The following TENM3 variants were observed in gnomAD, a reference collection of about 807,000 sequenced individuals.
TENM3 encodes teneurin transmembrane protein 3, also known as teneurin-3.
A neutral mutation model predicts 255.1 loss-of-function variants in TENM3; 63 were observed. The ratio of observed to expected loss-of-function variants is 0.25; its 90% confidence interval spans 0.20 to 0.30. TENM3 has a LOEUF of 0.30. TENM3 is among the 10% of genes least tolerant of loss of function. The pLI is 1.00. For synonymous variants in TENM3, 1,306 were observed against 1,322.3 expected (o/e 0.99, Z 0.27); for missense variants, 2,929 against 3,461.1 (o/e 0.85, Z 3.86).
intron 1 of TENM3, among the ~76,000 whole-genome samples, chr4:182,253,884 G>A (rs112197347): frequency 2.0e-5 from 3 of 152,098 alleles, no homozygotes; most frequent in African/African-American, 7.2e-5. Context: ...ACAGTTTACA[G>A]CAAAAAGTAA....
chr4:182,475,630 A>G (rs538760658), intron 3 of TENM3, among the ~76,000 whole-genome samples: 1 of 152,358 alleles, frequency 6.6e-6, no homozygotes, highest in South Asian at 2.1e-4. Context: ...AAACCAGAAC[A>G]TCTATCTGCA....
Position 182,335,234 on chromosome 4 carries a change from C to T in TENM3, c.232+10982C>T, listed in dbSNP as rs373128811. Among the ~76,000 whole-genome samples the T allele has an allele frequency of 2.3e-3, 336 of 149,308 alleles. 4 individuals are homozygous for T. The highest frequency in any genetic ancestry group is 8.0e-3 in the African/African-American group (324 of 40,498). On this transcript the variant is annotated intron_variant, in intron 2 of 27. Coordinates refer to ENST00000511685, the MANE Select transcript of TENM3 (RefSeq NM_001080477.4). ...GACAAAGCGGCCGGGCGCGGTGGCT[C>T]ACGCCTGTAATCCCAGCACTTTGGG...
chr4:182,621,680 A>T lies in TENM3; in HGVS notation c.750-6971A>T, dbSNP rs1581128601. ...TATATAATATGTATTATATATATAA[A>T]ATATATAATATATATTATATATAAA... On this transcript the variant is annotated intron_variant, in intron 4 of 27. Transcript: ENST00000511685. 3.9e-4 allele frequency among the ~76,000 whole-genome samples: 6 copies of T among 15,272 alleles called. 1 individual carries two copies. The South Asian group carries it at 0.03, about 76-fold the overall frequency. 10.0% of individuals were successfully genotyped at this position (15,272 alleles called of 152,430 possible). A position where few individuals can be genotyped will look rare whatever the true frequency, so the allele number is the denominator to read the frequency against.
At chr4:182,502,180 T>C (rs890945682) in intron 3 of TENM3, among the ~76,000 whole-genome samples, 1 of 152,166 alleles carries the variant, frequency 6.6e-6, no homozygotes, top group African/African-American at 2.4e-5. Context: ...TCTTCCTTGA[T>C]TATATTCTGC....
the TENM3 span, among the ~76,000 whole-genome samples, chr4:181,758,597 A>G: frequency 2.6e-5 from 4 of 152,180 alleles, no homozygotes; most frequent in African/African-American, 9.7e-5. Context: ...TGTTTACAGG[A>G]TAATTGCACC....
chr4:182,322,041 T>C (rs998092128), intron 1 of TENM3, among the ~76,000 whole-genome samples: 1 of 152,184 alleles, frequency 6.6e-6, no homozygotes, highest in Non-Finnish European at 1.5e-5. Context: ...GGTATAAAAA[T>C]AGTCTGTCAC....
the TENM3 span, among the ~76,000 whole-genome samples, chr4:181,526,388 T>C: frequency 6.6e-6 from 1 of 152,132 alleles, no homozygotes; most frequent in Non-Finnish European, 1.5e-5. Flanking sequence ...AGCAAAGCAG[T>C]GTGGCCTTTT....
intron 3 of TENM3, among the ~76,000 whole-genome samples, chr4:182,367,752 T>A (rs1766528656): frequency 6.6e-6 from 1 of 152,110 alleles, no homozygotes; most frequent in East Asian, 1.9e-4. Context: ...GTTTGTGAAA[T>A]AGTAGATAGT....
At chr4:182,673,733 A>G (rs1755418061) in intron 7 of TENM3, among the ~76,000 whole-genome samples, 2 of 152,228 alleles carry the variant, frequency 1.3e-5, no homozygotes, top group African/African-American at 4.8e-5. Context: ...AAAATGATCA[A>G]CGCTGAGATG....
intron 3 of TENM3, among the ~76,000 whole-genome samples, chr4:182,387,212 T>C (rs953662266): frequency 2.0e-5 from 3 of 152,150 alleles, no homozygotes; most frequent in Non-Finnish European, 4.4e-5. Context: ...TGTATCTAGC[T>C]CAAGGTTTGT....
intron 4 of TENM3, among the ~76,000 whole-genome samples, chr4:182,618,583 C>G (rs1443300619): frequency 1.3e-5 from 2 of 150,338 alleles, no homozygotes; most frequent in African/African-American, 4.9e-5. Context: ...AAGTGAACAG[C>G]TACTAAGGAA....
intron 1 of TENM3, among the ~76,000 whole-genome samples, chr4:182,306,379 T>G (rs2150393649): frequency 6.6e-6 from 1 of 152,056 alleles, no homozygotes; most frequent in Non-Finnish European, 1.5e-5. Flanking sequence ...CTGAATCAGG[T>G]TTGTACAGCC....
At chr4:181,597,619 T>C in the TENM3 span, among the ~76,000 whole-genome samples, 3 of 152,230 alleles carry the variant, frequency 2.0e-5, no homozygotes, top group Admixed American at 6.5e-5. Flanking sequence ...CTAATTGATA[T>C]ACCACTGAGT....
At chr4:181,837,113 T>C in the TENM3 span, among the ~76,000 whole-genome samples, 4 of 152,024 alleles carry the variant, frequency 2.6e-5, no homozygotes, top group Non-Finnish European at 5.9e-5. Context: ...TTCTTATTAA[T>C]ACTAATGGTT....
At chr4:181,932,039 CA>C in the TENM3 span, among the ~76,000 whole-genome samples, 2 of 152,068 alleles carry the variant, frequency 1.3e-5, no homozygotes, top group Non-Finnish European at 2.9e-5. Context: ...AAGACTTAAA[CA>C]TAAAACCTAA....
At chr4:181,978,653 A>G in the TENM3 span, among the ~76,000 whole-genome samples, 1 of 151,268 alleles carries the variant, frequency 6.6e-6, no homozygotes, top group East Asian at 1.9e-4. Flanking sequence ...CTCAAAAAAA[A>G]AAAAAAGAAA....
chr4:182,170,668 C>A (rs1276661929), intron 1 of TENM3, among the ~76,000 whole-genome samples: 1 of 151,964 alleles, frequency 6.6e-6, no homozygotes, highest in Non-Finnish European at 1.5e-5. Context: ...CATCTAATAG[C>A]AATCTGAAGT....
chr4:182,626,343 A>C (rs892690529), intron 4 of TENM3, among the ~76,000 whole-genome samples: 3 of 152,186 alleles, frequency 2.0e-5, no homozygotes, highest in African/African-American at 7.2e-5. Context: ...AAAATCTTCA[A>C]ATTATACTTT....
intron 3 of TENM3, among the ~76,000 whole-genome samples, chr4:182,585,470 A>T (rs538524140): frequency 6.6e-6 from 1 of 152,276 alleles, no homozygotes; most frequent in Admixed American, 6.5e-5. Context: ...CCGCATTAGC[A>T]TCCTTATAAG....
Sources: allele counts gnomAD v4.1 joint callset (sites outside exome capture counted in the v4.1 genomes callset), GRCh38; gene constraint gnomAD v4.1.1; transcripts MANE v1.5; gene names NCBI Gene and HGNC (gene_info 2026-07-23, HGNC 2026-07-21).